Variants in PCNX3 observed in about 807,000 individuals in gnomAD.
The protein encoded by PCNX3 is pecanex-like protein 3.
A neutral mutation model predicts 207.2 loss-of-function variants in PCNX3; 58 were observed. The observed-to-expected ratio is 0.28, with a 90% CI of 0.23 to 0.35. PCNX3 has a LOEUF of 0.35. Among genes scored for constraint, PCNX3 ranks in the 10% least tolerant of loss-of-function variants. The probability of loss-of-function intolerance (pLI) is 1.00; values close to 1 mark genes in which losing one functional copy is unlikely to be tolerated. For synonymous variants in PCNX3, 1,337 were observed against 1,183.5 expected (o/e 1.13, Z -2.66); for missense variants, 2,410 against 2,774.4 (o/e 0.87, Z 2.95).
rs1854719212 is a variant in PCNX3, at chr11:65,616,221, C to T, written c.-91C>T. On this transcript the variant is annotated 5_prime_UTR_variant, in exon 1 of 35. Transcript: ENST00000355703. ...CATGGCGTGAGCGTGAGGCCGGGCC[C>T]CGGGGCCCTCAGGCGCCAGACGGGG... is the stretch of plus-strand genomic sequence containing the variant. 8.9e-7 allele frequency: 1 copy of T among 1,119,398 alleles called. No homozygotes were observed. Among genetic ancestry groups the T allele is most frequent in the South Asian group, 1.8e-5 (1 of 54,994 alleles). The allele number at this position is 1,119,398 out of a possible 1,614,324, so 69.3% of individuals were successfully genotyped here. A position where few individuals can be genotyped will look rare whatever the true frequency, so the allele number is the denominator to read the frequency against.
rs560295327 is a variant in PCNX3, at chr11:65,627,731, G to T, written c.3702+149G>T. The T allele has an allele frequency of 6.3e-4, 614 of 979,456 alleles. 5 individuals are homozygous for T. In the African/African-American group the frequency reaches 9.1e-3, roughly 14 times the overall value. 60.7% of individuals were successfully genotyped at this position (979,456 alleles called of 1,614,324 possible). ...TTTGCAGCAGCCTCTCAAGGAAGGG[G>T]TTACTTCCACCCTCTACAGAGAGGA... On this transcript the variant is annotated intron_variant, in intron 22 of 34. Transcript: ENST00000355703.
intron 20 of PCNX3, chr11:65,626,371 C>A (rs1465065534): frequency 5.4e-6 from 3 of 555,016 alleles, no homozygotes; most frequent in Non-Finnish European, 6.9e-6. Context: ...AAACACTGAT[C>A]ACCAGTGGAC....
chr11:65,619,745 C>A lies in PCNX3; in HGVS notation c.1830-9C>A. The A allele has an allele frequency of 6.4e-7, 1 of 1,563,782 alleles. No individual in the cohort carries two copies. The highest frequency in any genetic ancestry group is 2.3e-5 in the East Asian group (1 of 42,826). On this transcript the variant is annotated splice_polypyrimidine_tract_variant and intron_variant, in intron 7 of 34. Transcript: ENST00000355703. ...TAGCTGGCGCTGACCTGGGGCTGAC[C>A]CTCTCCAGCAGCCTGCAGGAAGCTC...
chr11:65,621,907 C>T lies in PCNX3; in HGVS notation c.2236-338C>T, dbSNP rs570906399. ...GGAGGGTAGCATTTGTGCCAGGTCC[C>T]AAAGGACAAGTGGACTTCCTTGAGC... On this transcript the variant is annotated intron_variant, in intron 10 of 34. Transcript: ENST00000355703. 1.6e-4 allele frequency among the ~76,000 whole-genome samples: 25 copies of T among 152,276 alleles called. No homozygotes were observed. In the South Asian group the frequency reaches 5.0e-3, roughly 30 times the overall value.
At chr11:65,624,727 C>T in intron 15 of PCNX3, 146 bp downstream of exon 15, 1 of 936,400 alleles carries the variant, frequency 1.1e-6, no homozygotes. Flanking sequence ...CCCTCTCCTT[C>T]CCTCCCCAGG....
At chr11:65,626,535 C>T (rs1590889985) in intron 20 of PCNX3, 4 of 419,462 alleles carry the variant, frequency 9.5e-6, no homozygotes, top group Middle Eastern at 7.6e-4. Context: ...GACTAGCATC[C>T]CTCTGTGGCT....
At chr11:65,616,697 C>A in intron 1 of PCNX3, 127 bp from the exon 2 acceptor site, 1 of 1,112,336 alleles carries the variant, frequency 9.0e-7, no homozygotes, top group South Asian at 1.5e-5. Context: ...GGTCTGTGTA[C>A]TGGTTGTGTG....
chr11:65,635,202 C>G lies in PCNX3; in HGVS notation c.4954-16C>G, dbSNP rs1405550669. 1.3e-6 allele frequency: 2 copies of G among 1,591,934 alleles called. No homozygotes were observed. The highest frequency in any genetic ancestry group is 1.7e-6 in the Non-Finnish European group (2 of 1,168,448). ...GGGCAGGGGCCACTGACCCCTGTTC[C>G]CGTCTTCTCTACCAGGACCACTTCA... On this transcript the variant is annotated splice_polypyrimidine_tract_variant and intron_variant, in intron 30 of 34. Coordinates refer to ENST00000355703, the MANE Select transcript of PCNX3 (RefSeq NM_032223.4). The surrounding 1 kb of genome is among the most constrained non-coding windows in gnomAD (Gnocchi z 9.9).
chr11:65,616,932 G>A lies in PCNX3; in HGVS notation c.262G>A (p.Gly88Ser), dbSNP rs560188549. The change falls in exon 2 of 35, where the codon GGC (glycine) becomes AGC (serine). Residue 88 changes from glycine (G) to serine (S), a missense_variant. Gly to Ser is a moderately conservative substitution (Grantham distance 56). Transcript: ENST00000355703. ...NYRLHAMFDQ[G>S]EIVEKRSSTM... ...TCGGCTTCATGCCATGTTTGACCAGGGCGAGATCGTGGAGAAGCGCAGCTC... is the reference window on the plus strand; with the variant it reads ...TCGGCTTCATGCCATGTTTGACCAGAGCGAGATCGTGGAGAAGCGCAGCTC... The A allele has an allele frequency of 6.2e-7, 1 of 1,613,506 alleles. No individual in the cohort carries two copies. The highest frequency in any genetic ancestry group is 1.7e-5 in the Admixed American group (1 of 60,020).
chr11:65,622,339 G>T lies in PCNX3; in HGVS notation c.2330G>T (p.Arg777Leu). Residue 777 changes from arginine to leucine, a missense_variant, in exon 11 of 35, where the codon CGG becomes CTG. By Grantham distance (102) the Arg-to-Leu change is moderately radical. Transcript: ENST00000355703. Reference sequence around the variant, plus strand: ...CGCTGGACCTCTGTGCGCTATGAGCGGCTTGCCCTGCTGGCTCTGCTGGAC... The same window carrying T: ...CGCTGGACCTCTGTGCGCTATGAGCTGCTTGCCCTGCTGGCTCTGCTGGAC... ...PGRWTSVRYERLALLALLDRT... is the reference protein window; with the variant it reads ...PGRWTSVRYELLALLALLDRT... The T allele has an allele frequency of 6.3e-7, 1 of 1,594,166 alleles. No homozygotes were observed.
Position 65,636,291 on chromosome 11 carries a change from A to C in PCNX3, c.5577A>C (p.Thr1859=). The change falls in exon 33 of 35, where the codon ACA becomes ACC. Residue 1859 remains threonine (T), a synonymous_variant. Transcript: ENST00000355703. The part of the protein sequence containing the change: ...LSNNPPVAHP[T]PENTAGNGDQ... Reference sequence around the variant, plus strand: ...ATAACCCCCCCGTGGCACACCCCACACCTGAGAACACGGCAGGTGAGCAGG... The same window carrying C: ...ATAACCCCCCCGTGGCACACCCCACCCCTGAGAACACGGCAGGTGAGCAGG... 1 of 1,609,516 alleles carries C rather than the reference A, an allele frequency of 6.2e-7. No individual in the cohort carries two copies. Among genetic ancestry groups the C allele is most frequent in the Non-Finnish European group, 8.5e-7 (1 of 1,177,960 alleles).
chr11:65,634,505 C>A, intron 28 of PCNX3, 33 bp from the exon 29 acceptor site: 1 of 1,556,552 alleles, frequency 6.4e-7, no homozygotes, highest in East Asian at 2.4e-5. Context: ...CAGGTCTGAG[C>A]TGGGCTCTGG....
rs754050917 is a variant in PCNX3, at chr11:65,636,618, C to T, written c.5821C>T (p.Arg1941Trp). ...CAGTGGAAAGTGGAGCCTGGGGGGC[C>T]GGAAGGGGCTGGGAGGATCTGACGG... ...GPSGKWSLGG[R>W]KGLGGSDGEP... The change falls in exon 34 of 35, where the codon CGG (arginine) becomes TGG (tryptophan). Residue 1941 changes from arginine to tryptophan, a missense_variant. Physicochemically the swap from Arg to Trp is moderately radical, Grantham distance 101 (BLOSUM62 -3). Around this residue, in one of 8 missense-constraint regions of PCNX3, gnomAD observed 278 missense variants for 245.1 expected, o/e 1.13. Coordinates refer to ENST00000355703, the MANE Select transcript of PCNX3 (RefSeq NM_032223.4). 18 of 1,584,962 alleles carry T rather than the reference C, an allele frequency of 1.1e-5. No homozygotes were observed. The highest frequency in any genetic ancestry group is 1.1e-4 in the Admixed American group (6 of 53,908).
chr11:65,619,119 G>T (rs1854928260), intron 6 of PCNX3, 52 bp downstream of exon 6: 5 of 1,463,402 alleles, frequency 3.4e-6, no homozygotes, highest in South Asian at 2.5e-5. Context: ...TACGGGCTTG[G>T]GGTTGGGCAA....
At chr11:65,621,764 A>G (rs1462976599) in intron 10 of PCNX3, among the ~76,000 whole-genome samples, 1 of 152,262 alleles carries the variant, frequency 6.6e-6, no homozygotes, top group African/African-American at 2.4e-5. Flanking sequence ...TGAGAGGTCA[A>G]GTCATGTGCC....
Position 65,627,158 on chromosome 11 carries a change from C to G in PCNX3, c.3524+110C>G, listed in dbSNP as rs533398372. On this transcript the variant is annotated intron_variant, in intron 21 of 34. Coordinates refer to ENST00000355703, the MANE Select transcript of PCNX3 (RefSeq NM_032223.4). ...ATCATGTCTAAGGTTGTTTAGCAAG[C>G]TAAAGCAGGACCCCAGCTCCTGACA... 25 of 1,393,912 alleles carry G rather than the reference C, an allele frequency of 1.8e-5. No individual in the cohort carries two copies. In the East Asian group the frequency reaches 5.4e-4, roughly 30 times the overall value. 86.3% of individuals were successfully genotyped at this position (1,393,912 alleles called of 1,614,324 possible).
chr11:65,629,775 C>T (rs972725704), intron 26 of PCNX3, 40 bp downstream of exon 26: 9 of 1,536,648 alleles, frequency 5.9e-6, no homozygotes, highest in East Asian at 2.4e-5. Flanking sequence ...AGGCACAGCT[C>T]GGGCCTGATG....
At position 65,628,609 on chromosome 11, in the gene PCNX3, G is replaced by A. The variant is rs1056202260; in HGVS notation, c.3717G>A (p.Leu1239=). The part of the protein sequence containing the change: ...SLLCSKLWDL[L]YKLRFVLTYI... The stretch of plus-strand genomic sequence containing the variant: ...GGCCCTGCCAGCTGTGGGACTTGCT[G>A]TACAAGCTGCGTTTCGTGCTGACCT... The change falls in exon 23 of 35, where the codon CTG becomes CTA. Residue 1239 remains leucine (L), a synonymous_variant. Coordinates refer to ENST00000355703, the MANE Select transcript of PCNX3 (RefSeq NM_032223.4). 6.2e-7 allele frequency: 1 copy of A among 1,613,442 alleles called. No homozygotes were observed. Among genetic ancestry groups the A allele is most frequent in the South Asian group, 1.1e-5 (1 of 91,088 alleles).
At position 65,624,187 on chromosome 11, in the gene PCNX3, C is replaced by A; in HGVS notation, c.2545-8C>A. The A allele has an allele frequency of 1.2e-6, 2 of 1,600,018 alleles. No individual in the cohort carries two copies. The highest frequency in any genetic ancestry group is 4.5e-5 in the East Asian group (2 of 44,362). ...GGAGACCCAGCTCCTCATGGGCTGA[C>A]CCCTCAGGGCCACAACTGGGTGATC... On this transcript the variant is annotated splice_region_variant and splice_polypyrimidine_tract_variant and intron_variant, in intron 13 of 34. Coordinates refer to ENST00000355703, the MANE Select transcript of PCNX3 (RefSeq NM_032223.4).
Sources: gnomAD v4.1 joint callset for allele counts (sites outside exome capture counted in the v4.1 genomes callset) on GRCh38, gnomAD v4.1.1 for gene constraint, gnomAD v4.1.1 regional missense constraint, Gnocchi (gnomAD v3.1) non-coding constraint, MANE v1.5 for transcripts, NCBI Gene and HGNC (gene_info 2026-07-23, HGNC 2026-07-21) for gene names.